Variants in MBNL1 observed in about 807,000 individuals in gnomAD.
The protein encoded by MBNL1 is muscleblind like splicing regulator 1.
Under a neutral mutation model 42.2 loss-of-function variants are expected in MBNL1, and 8 were observed. The ratio of observed to expected loss-of-function variants is 0.19; its 90% CI spans 0.11 to 0.34. MBNL1 has a LOEUF of 0.34. Ranked by LOEUF, MBNL1 falls within the 10% of genes least tolerant of loss-of-function variation. The probability of loss-of-function intolerance (pLI) is 1.00; values close to 1 mark genes in which losing one functional copy is unlikely to be tolerated. For synonymous variants in MBNL1, 169 were observed against 173.9 expected (o/e 0.97, Z 0.22); for missense variants, 309 against 495.3 (o/e 0.62, Z 3.57).
At chr3:152,327,259 A>C (rs146111269) in intron 2 of MBNL1, among the ~76,000 whole-genome samples, 142 of 152,060 alleles carry the variant, frequency 9.3e-4, no homozygotes, top group Admixed American at 2.8e-3. Flanking sequence ...ATTTACTCAG[A>C]AGATATTTAT....
chr3:152,267,663 T>A (rs2149588772), upstream of MBNL1: 1 of 152,330 alleles, frequency 6.6e-6, no homozygotes, highest in Non-Finnish European at 1.5e-5. Context: ...GAGGCACCAT[T>A]TAATTAATTA....
At chr3:152,254,407 C>T (rs928559329) in intron 2 of MBNL1, among the ~76,000 whole-genome samples, 4 of 152,098 alleles carry the variant, frequency 2.6e-5, no homozygotes, top group African/African-American at 7.2e-5. Flanking sequence ...CTTGCCCTCA[C>T]CCCCAAGAAA....
chr3:152,298,479 C>T (rs2059538053), intron 1 of MBNL1, among the ~76,000 whole-genome samples: 1 of 152,190 alleles, frequency 6.6e-6, no homozygotes, highest in African/African-American at 2.4e-5. Context: ...TCAAATTGCT[C>T]ACTTAATATT....
At chr3:152,268,855 G>A (rs761583988), upstream of MBNL1, 1 of 453,316 alleles carries the variant, frequency 2.2e-6, no homozygotes, top group South Asian at 1.6e-5. Flanking sequence ...GGGGCTGGGC[G>A]GGCGGGGGAG....
intron 4 of MBNL1, among the ~76,000 whole-genome samples, chr3:152,435,640 C>T (rs1288719386): frequency 6.6e-6 from 1 of 152,064 alleles, no homozygotes; most frequent in Non-Finnish European, 1.5e-5. Context: ...GCAGTATGGC[C>T]ATTTTAATGT....
chr3:152,421,521 C>T (rs2098804550), intron 3 of MBNL1, among the ~76,000 whole-genome samples: 1 of 152,104 alleles, frequency 6.6e-6, no homozygotes, highest in Non-Finnish European at 1.5e-5. Context: ...GCAGTTTTCC[C>T]CAAACAGTGT....
chr3:152,379,047 G>A (rs2097059524), intron 2 of MBNL1, among the ~76,000 whole-genome samples: 4 of 152,058 alleles, frequency 2.6e-5, no homozygotes. Flanking sequence ...GTAGTAGACT[G>A]AATACTCTAT....
intron 2 of MBNL1, among the ~76,000 whole-genome samples, chr3:152,385,113 G>C (rs2097354168): frequency 6.6e-6 from 1 of 152,044 alleles, no homozygotes; most frequent in Non-Finnish European, 1.5e-5. Context: ...GTTTTGAGAT[G>C]TGATTTGCAT....
At chr3:152,446,666 GC>G (rs1191193845) in intron 5 of MBNL1, 2 of 1,577,150 alleles carry the variant, frequency 1.3e-6, no homozygotes, top group Non-Finnish European at 8.7e-7. Context: ...AACCCCACTG[GC>G]CCATTGCCAT....
Position 152,445,242 on chromosome 3 carries a change from T to C in MBNL1, c.550-40T>C, listed in dbSNP as rs965276124. ...AAAATCTTCAGAAAGCTTCTTCTTC[T>C]TCATGTTGACTAAACCTCATGTACT... On this transcript the variant is annotated intron_variant, in intron 4 of 9. Transcript: ENST00000324210. 11 of 1,561,166 alleles carry C rather than the reference T, an allele frequency of 7.0e-6. No individual in the cohort carries two copies. The African/African-American group carries it at 1.2e-4, about 17-fold the overall frequency.
chr3:152,455,691 A>G, intron 7 of MBNL1, 114 bp downstream of exon 7: 1 of 885,974 alleles, frequency 1.1e-6, no homozygotes, highest in East Asian at 2.5e-5. Context: ...TTTCCCTTTT[A>G]CTAACACTTG....
intron 4 of MBNL1, among the ~76,000 whole-genome samples, chr3:152,436,198 AT>A (rs2099075985): frequency 6.6e-6 from 1 of 152,224 alleles, no homozygotes; most frequent in African/African-American, 2.4e-5. Flanking sequence ...TGTTGCATAT[AT>A]TACAAAGGCT....
chr3:152,373,628 C>T (rs2153276117), intron 2 of MBNL1, among the ~76,000 whole-genome samples: 1 of 152,250 alleles, frequency 6.6e-6, no homozygotes, highest in Non-Finnish European at 1.5e-5. Flanking sequence ...GGCTCGTGCT[C>T]TGTGGGCTGC....
intron 2 of MBNL1, among the ~76,000 whole-genome samples, chr3:152,316,054 T>C (rs1175814383): frequency 2.0e-5 from 3 of 152,216 alleles, no homozygotes; most frequent in African/African-American, 7.2e-5. Flanking sequence ...AAGGGTTTGC[T>C]TGACTTTTCA....
intron 2 of MBNL1, among the ~76,000 whole-genome samples, chr3:152,367,659 TTCCTGTTTC>T (rs1319802504): frequency 6.6e-6 from 1 of 152,222 alleles, no homozygotes; most frequent in Non-Finnish European, 1.5e-5. Flanking sequence ...TGTAAAAGTG[TTCCTGTTTC>T]TCCACATCCT....
chr3:152,444,397 T>C (rs2099190182), intron 4 of MBNL1, among the ~76,000 whole-genome samples: 1 of 152,100 alleles, frequency 6.6e-6, no homozygotes, highest in Non-Finnish European at 1.5e-5. Context: ...AAAACCAATC[T>C]TTTTTTACTG....
chr3:152,406,069 C>G (rs1166600047), intron 2 of MBNL1, among the ~76,000 whole-genome samples: 1 of 152,172 alleles, frequency 6.6e-6, no homozygotes, highest in East Asian at 1.9e-4. Context: ...CTGGCACCTA[C>G]CAAATGTCAC....
intron 2 of MBNL1, among the ~76,000 whole-genome samples, chr3:152,408,331 C>G (rs767143207): frequency 6.6e-6 from 1 of 151,954 alleles, no homozygotes; most frequent in Non-Finnish European, 1.5e-5. Flanking sequence ...TCCCTAGAGA[C>G]TTTTCAAAGA....
intron 2 of MBNL1, chr3:152,302,440 T>G (rs1264409135): frequency 6.6e-6 from 1 of 152,170 alleles, no homozygotes; most frequent in Non-Finnish European, 1.5e-5. Context: ...ATGTTAAGCA[T>G]TAAAACAATT....
Sources: gnomAD v4.1 joint callset for allele counts (sites outside exome capture counted in the v4.1 genomes callset) on GRCh38, gnomAD v4.1.1 for gene constraint, MANE v1.5 for transcripts, NCBI Gene and HGNC (gene_info 2026-07-23, HGNC 2026-07-21) for gene names.